SLC8A1: variants seen among roughly 807,000 people sequenced by gnomAD.
SLC8A1 encodes the protein sodium/calcium exchanger 1.
A neutral mutation model predicts 68.3 loss-of-function variants in SLC8A1; 18 were observed. The ratio of observed to expected loss-of-function variants is 0.26; its 90% CI spans 0.18 to 0.39. The LOEUF is 0.39. Among genes scored for constraint, SLC8A1 ranks in the 10% least tolerant of loss-of-function variants. The pLI, the probability that SLC8A1 is intolerant of heterozygous loss-of-function variation, is 1.00. For missense variants in SLC8A1, 985 were observed against 1,156.7 expected, an observed-to-expected ratio of 0.85 and a Z score of 2.15; for synonymous variants, 475 against 415.5, an observed-to-expected ratio of 1.14 and a Z score of -1.74.
At chr2:40,439,580 CT>C (rs1700103673) in intron 1 of SLC8A1, among the ~76,000 whole-genome samples, 1 of 151,960 alleles carries the variant, frequency 6.6e-6, no homozygotes, top group African/African-American at 2.4e-5. Context: ...AGATTTTTTT[CT>C]TTTTTATTTT....
chr2:40,379,578 A>G (rs924968648), intron 2 of SLC8A1, among the ~76,000 whole-genome samples: 1 of 151,424 alleles, frequency 6.6e-6, no homozygotes, highest in Non-Finnish European at 1.5e-5. Flanking sequence ...TAGCTTGACT[A>G]TGTTGTGCAG....
intron 2 of SLC8A1, among the ~76,000 whole-genome samples, chr2:40,335,119 T>C (rs901722732): frequency 6.6e-6 from 1 of 152,210 alleles, no homozygotes; most frequent in Non-Finnish European, 1.5e-5. Flanking sequence ...GATAAATAGA[T>C]ATAGGGAAAT....
At chr2:40,439,171 C>G (rs1300368599) in intron 1 of SLC8A1, among the ~76,000 whole-genome samples, 1 of 151,998 alleles carries the variant, frequency 6.6e-6, no homozygotes, top group Non-Finnish European at 1.5e-5. Context: ...GATTAAAGCA[C>G]TGGAGGTAAT....
In SLC8A1 at chr2:40,144,970, AT is replaced by A. The variant is rs547556015; in HGVS notation, c.2162-5295del. Among the ~76,000 whole-genome samples, 488 of 152,200 alleles carry A rather than the reference AT, an allele frequency of 3.2e-3. 3 individuals carry two copies. The highest frequency in any genetic ancestry group is 0.011 in the African/African-American group (465 of 41,550). Reference sequence around the variant, plus strand: ...TTATTTAACAAACATTTCTAATACAATTTCATTAGCTTTAGTCCCCATGTGG... The same window carrying A: ...TTATTTAACAAACATTTCTAATACAATTCATTAGCTTTAGTCCCCATGTGG... On this transcript the variant is annotated intron_variant, in intron 6 of 7. Coordinates refer to ENST00000406785, the Ensembl canonical transcript of SLC8A1.
At chr2:40,167,262 C>T (rs1246842643) in intron 4 of SLC8A1, among the ~76,000 whole-genome samples, 2 of 152,162 alleles carry the variant, frequency 1.3e-5, no homozygotes, top group Non-Finnish European at 1.5e-5. Context: ...GACTTTTGTA[C>T]CTTTTAAGAT....
chr2:40,371,452 G>C (rs1316316972), intron 2 of SLC8A1, among the ~76,000 whole-genome samples: 1 of 152,046 alleles, frequency 6.6e-6, no homozygotes, highest in African/African-American at 2.4e-5. Flanking sequence ...CATAGGCTTT[G>C]ATGTCTAGCA....
chr2:40,410,907 T>G (rs1169300750), intron 2 of SLC8A1, among the ~76,000 whole-genome samples: 1 of 152,126 alleles, frequency 6.6e-6, no homozygotes, highest in African/African-American at 2.4e-5. Context: ...AAATTAGCCA[T>G]GCACATAATA....
intron 2 of SLC8A1, among the ~76,000 whole-genome samples, chr2:40,361,026 T>G (rs73926619): frequency 0.018 from 2,761 of 152,190 alleles, 89 homozygotes; most frequent in African/African-American, 0.062. Context: ...TCTTTAAATG[T>G]CCACTAGCAG....
intron 1 of SLC8A1, among the ~76,000 whole-genome samples, chr2:40,439,254 G>C (rs1431389201): frequency 1.3e-5 from 2 of 152,088 alleles, no homozygotes; most frequent in East Asian, 3.9e-4. Context: ...AGGATTACTA[G>C]GTCACTACAT....
intron 1 of SLC8A1, among the ~76,000 whole-genome samples, chr2:40,440,816 A>G (rs747797651): frequency 1.2e-4 from 18 of 152,228 alleles, no homozygotes; most frequent in Non-Finnish European, 2.2e-4. Context: ...GCCAATAGCC[A>G]ATATCATACT....
At chr2:40,446,921 G>A (rs961469782) in intron 1 of SLC8A1, among the ~76,000 whole-genome samples, 3 of 152,104 alleles carry the variant, frequency 2.0e-5, no homozygotes, top group African/African-American at 7.2e-5. Context: ...CCAAGCACAG[G>A]GCCTTGTATA....
exon 8 of SLC8A1, chr2:40,110,481 T>G (rs2034492943): frequency 6.6e-6 from 1 of 152,234 alleles, no homozygotes; most frequent in Admixed American, 6.5e-5. Flanking sequence ...AGCATGTTTC[T>G]TTTTCTGAAA....
rs191628374 is a variant in SLC8A1 at position 40,448,998 on chromosome 2, G to A, written c.-25+2906C>T. Among the ~76,000 whole-genome samples, 38 of 152,028 alleles carry A rather than the reference G, an allele frequency of 2.5e-4. No homozygotes were observed. In the East Asian group the frequency reaches 2.7e-3, roughly 11 times the overall value. ...GCTCTAACAGCCTCTTCTAGAGGCT[G>A]CATTTCTTTTTCCAGATCTAATTTA... On this transcript the variant is annotated intron_variant, in intron 1 of 7. Transcript: ENST00000406785.
At chr2:40,291,034 T>C (rs771702508) in intron 2 of SLC8A1, among the ~76,000 whole-genome samples, 6 of 152,228 alleles carry the variant, frequency 3.9e-5, no homozygotes, top group Non-Finnish European at 8.8e-5. Flanking sequence ...TTTATGTCAA[T>C]TGAACATCAG....
At chr2:40,322,893 C>A (rs369729590) in intron 2 of SLC8A1, among the ~76,000 whole-genome samples, 2 of 151,576 alleles carry the variant, frequency 1.3e-5, no homozygotes, top group African/African-American at 4.8e-5. Flanking sequence ...ATCCTTAGAG[C>A]AACTCTCTCT....
chr2:40,315,172 A>C (rs2074266982), intron 2 of SLC8A1, among the ~76,000 whole-genome samples: 2 of 151,792 alleles, frequency 1.3e-5, no homozygotes, highest in African/African-American at 2.4e-5. Context: ...CACTATTCCT[A>C]ATATTTCTGA....
chr2:40,307,706 G>A (rs1437455788), intron 2 of SLC8A1, among the ~76,000 whole-genome samples: 3 of 152,130 alleles, frequency 2.0e-5, no homozygotes, highest in Admixed American at 6.5e-5. Flanking sequence ...GGTGTGTCTG[G>A]TCAGTAACAC....
chr2:40,482,330 C>G (rs144417643), intron 1 of SLC8A1, among the ~76,000 whole-genome samples: 69 of 152,174 alleles, frequency 4.5e-4, no homozygotes, highest in Middle Eastern at 3.4e-3. Flanking sequence ...CCAGGGGAGG[C>G]TTTGGGTTTT....
chr2:40,153,565 A>G (rs2043859040), intron 6 of SLC8A1, among the ~76,000 whole-genome samples: 1 of 152,174 alleles, frequency 6.6e-6, no homozygotes, highest in Non-Finnish European at 1.5e-5. Flanking sequence ...GGTTTCAAAT[A>G]ACTACTATTT....
Sources: gnomAD v4.1 joint callset for allele counts (sites outside exome capture counted in the v4.1 genomes callset) on GRCh38, gnomAD v4.1.1 for gene constraint, MANE v1.5 for transcripts, NCBI Gene and HGNC (gene_info 2026-07-23, HGNC 2026-07-21) for gene names.